The following ANKH variants were observed in gnomAD, a reference collection of about 807,000 sequenced individuals.
ANKH encodes mineralization regulator ANKH.
A neutral mutation model predicts 49.0 loss-of-function variants in ANKH; 15 were observed. The ratio of observed to expected loss-of-function variants is 0.31; its 90% confidence interval spans 0.20 to 0.47. The LOEUF (loss-of-function observed/expected upper bound fraction) is 0.47, where lower values mean the gene tolerates loss of function less well. Among genes scored for constraint, ANKH ranks in the 20% least tolerant of loss-of-function variants. The pLI is 1.00. For missense variants in ANKH, 429 were observed against 652.0 expected, an observed-to-expected ratio of 0.66 and a Z score of 3.72; for synonymous variants, 273 against 260.0, an observed-to-expected ratio of 1.05 and a Z score of -0.48.
intron 4 of ANKH, among the ~76,000 whole-genome samples, chr5:14,754,801 C>A (rs945391351): frequency 1.3e-5 from 2 of 151,988 alleles, no homozygotes; most frequent in African/African-American, 2.4e-5. Flanking sequence ...TGAGACTGGG[C>A]GTGGTGGCTC....
chr5:14,810,160 C>CTTT (rs35622899), intron 1 of ANKH, among the ~76,000 whole-genome samples: 1 of 144,448 alleles, frequency 6.9e-6, no homozygotes, highest in Non-Finnish European at 1.5e-5. Flanking sequence ...AAACGATTGA[C>CTTT]TTTTTTTTTT....
At chr5:14,727,163 G>A (rs1286817958) in intron 8 of ANKH, among the ~76,000 whole-genome samples, 1 of 152,020 alleles carries the variant, frequency 6.6e-6, no homozygotes, top group Non-Finnish European at 1.5e-5. Context: ...AACAGAGCTT[G>A]GTTTTCTAAG....
intron 1 of ANKH, among the ~76,000 whole-genome samples, chr5:14,815,702 T>C (rs959496583): frequency 2.6e-5 from 4 of 151,706 alleles, no homozygotes; most frequent in African/African-American, 4.9e-5. Flanking sequence ...CCCAGACAAA[T>C]AGAAAAAGGA....
At chr5:14,799,362 A>G (rs1307194493) in intron 1 of ANKH, among the ~76,000 whole-genome samples, 1 of 152,260 alleles carries the variant, frequency 6.6e-6, no homozygotes, top group Admixed American at 6.5e-5. Flanking sequence ...AGCTAAGATC[A>G]CTAATGAAGG....
intron 8 of ANKH, among the ~76,000 whole-genome samples, chr5:14,721,724 A>G (rs1737667917): frequency 6.6e-6 from 1 of 152,028 alleles, no homozygotes; most frequent in African/African-American, 2.4e-5. Context: ...AGGTCAGGAG[A>G]TCGAGACCAT....
At chr5:14,734,913 C>T (rs1007445971) in intron 8 of ANKH, among the ~76,000 whole-genome samples, 1 of 152,136 alleles carries the variant, frequency 6.6e-6, no homozygotes. Context: ...TGAAGAAATA[C>T]AAATGAATAA....
At position 14,737,710 on chromosome 5, in the gene ANKH, T is replaced by A. The variant is rs957844106; in HGVS notation, c.1011+4117A>T. Among the ~76,000 whole-genome samples the A allele has an allele frequency of 2.0e-5, 3 of 152,254 alleles. No homozygotes were observed. The highest frequency in any genetic ancestry group is 7.2e-5 in the African/African-American group (3 of 41,468). Reference sequence around the variant, plus strand: ...GAAGCTGTTCTTCCAAATGGCTTTATGCCACATATATTTTTGAAATGTGCT... The same window carrying A: ...GAAGCTGTTCTTCCAAATGGCTTTAAGCCACATATATTTTTGAAATGTGCT... On this transcript the variant is annotated intron_variant, in intron 8 of 11. Transcript: ENST00000284268. This position sits in a 1 kb window ranked among gnomAD's most constrained non-coding sequence, Gnocchi z 5.0.
intron 1 of ANKH, chr5:14,797,408 A>G (rs1740423565): frequency 3.1e-6 from 5 of 1,611,044 alleles, no homozygotes; most frequent in Non-Finnish European, 4.2e-6. Flanking sequence ...AAGCTAAAAT[A>G]GTCTCATTGT....
chr5:14,731,593 T>C (rs1419623209), intron 8 of ANKH, among the ~76,000 whole-genome samples: 1 of 152,120 alleles, frequency 6.6e-6, no homozygotes, highest in Non-Finnish European at 1.5e-5. Flanking sequence ...AGAAAAGCAT[T>C]CTGTTGATAA....
At chr5:14,726,978 G>A (rs1052714536) in intron 8 of ANKH, among the ~76,000 whole-genome samples, 43 of 152,336 alleles carry the variant, frequency 2.8e-4, no homozygotes, top group Middle Eastern at 3.4e-3. Context: ...CCACATCCGC[G>A]TCTTGCTCAG....
intron 1 of ANKH, among the ~76,000 whole-genome samples, chr5:14,803,122 T>C (rs1020892504): frequency 6.6e-6 from 1 of 152,192 alleles, no homozygotes; most frequent in Non-Finnish European, 1.5e-5. Flanking sequence ...TGTTTAAATG[T>C]TGGTGTGTGC....
chr5:14,788,793 C>T (rs1256029074), intron 1 of ANKH, among the ~76,000 whole-genome samples: 1 of 152,072 alleles, frequency 6.6e-6, no homozygotes, highest in African/African-American at 2.4e-5. Flanking sequence ...GTTAATAATA[C>T]TAACTGATCA....
intron 1 of ANKH, among the ~76,000 whole-genome samples, chr5:14,795,857 C>CAAAA (rs199499798): frequency 8.9e-6 from 1 of 112,272 alleles, no homozygotes; most frequent in Non-Finnish European, 1.9e-5. Context: ...GACTGTGTCT[C>CAAAA]AAAAAAAAAA....
intron 1 of ANKH, among the ~76,000 whole-genome samples, chr5:14,777,149 GT>G (rs1224845718): frequency 1.6e-5 from 1 of 61,164 alleles, no homozygotes. Context: ...GCCGGGCGTG[GT>G]GGGGGGGCAC....
intron 1 of ANKH, among the ~76,000 whole-genome samples, chr5:14,827,342 C>T (rs1221252156): frequency 1.3e-5 from 2 of 152,202 alleles, no homozygotes; most frequent in Admixed American, 6.5e-5. Flanking sequence ...TGATCTGCCT[C>T]AGGTGCACAG....
intron 8 of ANKH, among the ~76,000 whole-genome samples, chr5:14,726,307 A>G (rs753278803): frequency 2.0e-5 from 3 of 152,152 alleles, no homozygotes; most frequent in Non-Finnish European, 2.9e-5. Context: ...AGCTGCATGC[A>G]CGTAAGGAAG....
chr5:14,707,533 G>A lies in ANKH; in HGVS notation c.*3664C>T, dbSNP rs886060073. Reference sequence around the variant, plus strand: ...TCCAACCAGGAGAGAGATCCAGAGGGCTGGGAGTGAGCACTCCTGAGCTGG... The same window carrying A: ...TCCAACCAGGAGAGAGATCCAGAGGACTGGGAGTGAGCACTCCTGAGCTGG... On this transcript the variant is annotated 3_prime_UTR_variant, in exon 12 of 12. Transcript: ENST00000284268. 1 of 152,166 alleles carries A rather than the reference G, an allele frequency of 6.6e-6. No homozygotes were observed. Among genetic ancestry groups the A allele is most frequent in the Non-Finnish European group, 1.5e-5 (1 of 68,018 alleles). 9.4% of individuals were successfully genotyped at this position (152,166 alleles called of 1,614,324 possible).
At chr5:14,863,093 C>G (rs1458651036) in intron 1 of ANKH, among the ~76,000 whole-genome samples, 1 of 152,150 alleles carries the variant, frequency 6.6e-6, no homozygotes, top group Non-Finnish European at 1.5e-5. Flanking sequence ...GCATACTGCA[C>G]AGCAAGAAGA....
chr5:14,793,811 T>C (rs1197570021), intron 1 of ANKH, among the ~76,000 whole-genome samples: 1 of 152,186 alleles, frequency 6.6e-6, no homozygotes, highest in Non-Finnish European at 1.5e-5. Context: ...TCTGCCTTGT[T>C]TGCTCTCTCG....
Sources: allele counts gnomAD v4.1 joint callset (sites outside exome capture counted in the v4.1 genomes callset), GRCh38; gene constraint gnomAD v4.1.1; non-coding constraint Gnocchi (gnomAD v3.1); transcripts MANE v1.5; gene names NCBI Gene and HGNC (gene_info 2026-07-23, HGNC 2026-07-21).